Variants in PRKG1 observed in about 807,000 individuals in gnomAD.
PRKG1 encodes the protein protein kinase cGMP-dependent 1, also known as cGMP-dependent protein kinase 1.
Under a neutral mutation model 88.1 loss-of-function variants are expected in PRKG1, and 35 were observed. The observed-to-expected ratio is 0.40, with a 90% CI of 0.30 to 0.53. The LOEUF (loss-of-function observed/expected upper bound fraction) is 0.53, where lower values mean the gene tolerates loss of function less well. Among genes scored for constraint, PRKG1 ranks in the 20% least tolerant of loss-of-function variants. PRKG1 has a pLI of 0.59. For missense variants in PRKG1, 540 were observed against 839.8 expected, an observed-to-expected ratio of 0.64 and a Z score of 4.41; for synonymous variants, 303 against 292.5, an observed-to-expected ratio of 1.04 and a Z score of -0.37.
chr10:51,566,936 AAGAGAG>A (rs564909693), intron 3 of PRKG1, among the ~76,000 whole-genome samples: 1 of 133,290 alleles, frequency 7.5e-6, no homozygotes, highest in East Asian at 1.9e-4. Context: ...ATAAAAAAAA[AAGAGAG>A]AGAGAGAAAG....
rs181388270 is a variant in PRKG1 at position 51,521,075 on chromosome 10, G to A, written c.592+53239G>A. Among the ~76,000 whole-genome samples the A allele has an allele frequency of 2.8e-4, 42 of 152,318 alleles. No homozygotes were observed. In the Middle Eastern group the frequency reaches 0.014, roughly 49 times the overall value. On this transcript the variant is annotated intron_variant, in intron 3 of 17. Transcript: ENST00000373980. ...AGGCCAAGGCGGGTGGATCACCTAGGTCGGGGTTCAAAACCAGCCTGGCCA... is the reference window on the plus strand; with the variant it reads ...AGGCCAAGGCGGGTGGATCACCTAGATCGGGGTTCAAAACCAGCCTGGCCA...
At chr10:51,102,707 G>C (rs1397270909) in intron 1 of PRKG1, among the ~76,000 whole-genome samples, 4 of 152,134 alleles carry the variant, frequency 2.6e-5, no homozygotes, top group Non-Finnish European at 5.9e-5. Flanking sequence ...TCTGTTGCAA[G>C]GACCATAGTT....
At chr10:51,949,042 C>T (rs1843123528) in intron 5 of PRKG1, among the ~76,000 whole-genome samples, 1 of 152,072 alleles carries the variant, frequency 6.6e-6, no homozygotes, top group African/African-American at 2.4e-5. Flanking sequence ...GCGTCTTTGT[C>T]TTCTGCATGT....
chr10:51,160,603 A>T (rs1329686900), intron 2 of PRKG1, among the ~76,000 whole-genome samples: 1 of 152,356 alleles, frequency 6.6e-6, no homozygotes, highest in East Asian at 1.9e-4. Context: ...TTATATTGAC[A>T]AACATTTAAA....
chr10:51,168,138 GTGTGAT>G (rs1409991348), intron 2 of PRKG1, among the ~76,000 whole-genome samples: 3 of 152,120 alleles, frequency 2.0e-5, no homozygotes, highest in African/African-American at 7.2e-5. Flanking sequence ...AGTTCTGAAA[GTGTGAT>G]CAGGGACACT....
chr10:51,033,055 CTAACTTCCA>C (rs1241384724), intron 1 of PRKG1, among the ~76,000 whole-genome samples: 1 of 152,058 alleles, frequency 6.6e-6, no homozygotes, highest in Non-Finnish European at 1.5e-5. Context: ...TTCTTGTCCC[CTAACTTCCA>C]TGACTTTCTG....
chr10:52,020,412 A>G (rs1408375487), intron 5 of PRKG1, among the ~76,000 whole-genome samples: 1 of 152,144 alleles, frequency 6.6e-6, no homozygotes, highest in Non-Finnish European at 1.5e-5. Context: ...ACTCCATAAG[A>G]GTCTATAGTA....
intron 2 of PRKG1, among the ~76,000 whole-genome samples, chr10:51,439,128 C>A (rs561990756): frequency 4.0e-5 from 6 of 151,800 alleles, no homozygotes; most frequent in African/African-American, 1.2e-4. Flanking sequence ...TTTCGCCCCC[C>A]CTTACGAACA....
At chr10:52,166,821 A>ATATATATATATG (rs1564498496) in intron 9 of PRKG1, among the ~76,000 whole-genome samples, 2 of 2,426 alleles carry the variant, frequency 8.2e-4, no homozygotes, top group Non-Finnish European at 2.9e-3. Flanking sequence ...ATATATATGT[A>ATATATATATATG]TATATATGTA....
chr10:52,175,383 G>C (rs1838834207), intron 9 of PRKG1, among the ~76,000 whole-genome samples: 1 of 151,864 alleles, frequency 6.6e-6, no homozygotes, highest in South Asian at 2.1e-4. Context: ...CCATTCATCT[G>C]TTTTTGAATC....
At chr10:51,887,840 A>G (rs1380002681) in intron 4 of PRKG1, among the ~76,000 whole-genome samples, 1 of 152,176 alleles carries the variant, frequency 6.6e-6, no homozygotes, top group Non-Finnish European at 1.5e-5. Flanking sequence ...ATTGGACATT[A>G]ATCTCTTATG....
At chr10:51,945,969 G>T (rs1295362905) in intron 5 of PRKG1, among the ~76,000 whole-genome samples, 2 of 150,236 alleles carry the variant, frequency 1.3e-5, no homozygotes, top group Admixed American at 6.6e-5. Context: ...TCTTTGTGGC[G>T]TTCTCTGTAT....
chr10:51,290,742 C>A (rs1589321150), intron 2 of PRKG1, among the ~76,000 whole-genome samples: 1 of 152,118 alleles, frequency 6.6e-6, no homozygotes, highest in Non-Finnish European at 1.5e-5. Context: ...ATTTCCCTAG[C>A]CCGCATATCT....
At chr10:51,899,742 C>T (rs1196002493) in intron 4 of PRKG1, among the ~76,000 whole-genome samples, 1 of 148,060 alleles carries the variant, frequency 6.8e-6, no homozygotes, top group Non-Finnish European at 1.5e-5. Context: ...AGACTGGATT[C>T]TCATATTGAT....
intron 3 of PRKG1, among the ~76,000 whole-genome samples, chr10:51,491,993 A>T (rs1840718585): frequency 1.3e-5 from 2 of 152,142 alleles, no homozygotes; most frequent in Non-Finnish European, 2.9e-5. Context: ...CAGCTTTCTG[A>T]TTCTAAACCT....
intron 4 of PRKG1, among the ~76,000 whole-genome samples, chr10:51,894,391 G>A (rs1186505953): frequency 6.6e-6 from 1 of 152,144 alleles, no homozygotes; most frequent in Non-Finnish European, 1.5e-5. Context: ...GTAGACTAGT[G>A]GTTGACAGGG....
At chr10:51,181,115 G>T (rs2132024917) in intron 2 of PRKG1, among the ~76,000 whole-genome samples, 1 of 151,900 alleles carries the variant, frequency 6.6e-6, no homozygotes, top group Admixed American at 6.6e-5. Flanking sequence ...GGATTCTGGG[G>T]CAAATATGGT....
intron 5 of PRKG1, among the ~76,000 whole-genome samples, chr10:51,977,271 C>G (rs1843861762): frequency 6.6e-6 from 1 of 152,012 alleles, no homozygotes; most frequent in African/African-American, 2.4e-5. Flanking sequence ...GCCTCCAGTT[C>G]CATCCATGTT....
intron 3 of PRKG1, among the ~76,000 whole-genome samples, chr10:51,539,080 G>C (rs2132108241): frequency 6.6e-6 from 1 of 152,206 alleles, no homozygotes; most frequent in South Asian, 2.1e-4. Context: ...AATTTTATCT[G>C]TCTTGGGTTG....
Sources: allele counts gnomAD v4.1 joint callset (sites outside exome capture counted in the v4.1 genomes callset), GRCh38; gene constraint gnomAD v4.1.1; transcripts MANE v1.5; gene names NCBI Gene and HGNC (gene_info 2026-07-23, HGNC 2026-07-21).